The following MSH4 variants were observed in gnomAD, a reference collection of about 807,000 sequenced individuals.
The protein encoded by MSH4 is mutS protein homolog 4.
MSH4 carries 106 observed loss-of-function variants against 113.7 expected under a neutral mutation model. That is an observed-to-expected ratio of 0.93 (90% confidence interval 0.80 to 1.10). The LOEUF is 1.10. Ranked by LOEUF, MSH4 falls within the 50% of genes least tolerant of loss-of-function variation. The pLI is 0.00. For synonymous variants in MSH4, 368 were observed against 380.2 expected (o/e 0.97, Z 0.37); for missense variants, 1,061 against 1,093.7 (o/e 0.97, Z 0.42).
At chr1:75,868,609 C>T (rs185357312) in intron 9 of MSH4, among the ~76,000 whole-genome samples, 23 of 152,296 alleles carry the variant, frequency 1.5e-4, no homozygotes, top group Non-Finnish European at 2.9e-4. Context: ...CCAAATCTCA[C>T]CTTAAATTGT....
chr1:75,879,925 T>C, intron 12 of MSH4, 125 bp from the exon 13 acceptor site: 2 of 611,756 alleles, frequency 3.3e-6, no homozygotes, highest in South Asian at 4.2e-5. Flanking sequence ...TAGAACTTTC[T>C]TTGTGATACC....
At chr1:75,900,656 G>A (rs528051859) in intron 19 of MSH4, among the ~76,000 whole-genome samples, 3 of 152,164 alleles carry the variant, frequency 2.0e-5, no homozygotes, top group African/African-American at 7.2e-5. Context: ...TGACCTAGGT[G>A]CAGTGTGATA....
chr1:75,901,775 A>G (rs1406913106), intron 19 of MSH4, among the ~76,000 whole-genome samples: 3 of 152,118 alleles, frequency 2.0e-5, no homozygotes, highest in Non-Finnish European at 2.9e-5. Flanking sequence ...ATTCCCATCA[A>G]CAGTGTATGT....
At chr1:75,877,099 C>A in intron 10 of MSH4, 99 bp downstream of exon 10, 3 of 699,360 alleles carry the variant, frequency 4.3e-6, no homozygotes, top group South Asian at 6.9e-5. Flanking sequence ...GGAACAATTA[C>A]TTGAGTTTTG....
chr1:75,822,818 T>TG (rs1359592183), intron 7 of MSH4, among the ~76,000 whole-genome samples: 9 of 151,958 alleles, frequency 5.9e-5, no homozygotes, highest in African/African-American at 1.4e-4. Context: ...TCTGTTTTTT[T>TG]TTGTTGTTGT....
intron 15 of MSH4, among the ~76,000 whole-genome samples, chr1:75,886,766 G>T (rs1327366824): frequency 1.5e-5 from 2 of 135,358 alleles, no homozygotes; most frequent in African/African-American, 5.5e-5. Context: ...TATAAAATAT[G>T]TATATAGTTA....
In MSH4 at chr1:75,897,986, T is replaced by C. The variant is rs1369026348; in HGVS notation, c.2435T>C (p.Phe812Ser). 6.2e-7 allele frequency: 1 copy of C among 1,607,926 alleles called. No individual in the cohort carries two copies. Among genetic ancestry groups the C allele is most frequent in the South Asian group, 1.1e-5 (1 of 89,680 alleles). ...TATCCTAATGTAGAAAACATGCATTTTGAAGTTCAACATGTAAAGAATACC... is the reference window on the plus strand; with the variant it reads ...TATCCTAATGTAGAAAACATGCATTCTGAAGTTCAACATGTAAAGAATACC... Reference protein sequence around the residue: ...ALYPNVENMHFEVQHVKNTSR... With the variant: ...ALYPNVENMHSEVQHVKNTSR... The change falls in exon 18 of 20, where the codon TTT becomes TCT. Residue 812 changes from phenylalanine (F) to serine (S), a missense_variant. Physicochemically the swap from Phe to Ser is radical, Grantham distance 155 (BLOSUM62 -2). Transcript: ENST00000263187.
At chr1:75,861,671 G>T (rs1311024946) in intron 8 of MSH4, among the ~76,000 whole-genome samples, 2 of 152,186 alleles carry the variant, frequency 1.3e-5, no homozygotes, top group Admixed American at 1.3e-4. Flanking sequence ...CCTGTATGCG[G>T]TGTCTGTTGG....
At chr1:75,826,001 C>T (rs1008455141) in intron 7 of MSH4, among the ~76,000 whole-genome samples, 2 of 152,138 alleles carry the variant, frequency 1.3e-5, no homozygotes, top group South Asian at 2.1e-4. Flanking sequence ...AGAGGAGTCC[C>T]TCTTATTCTA....
At chr1:75,854,337 T>C (rs1651269708) in intron 8 of MSH4, among the ~76,000 whole-genome samples, 2 of 152,090 alleles carry the variant, frequency 1.3e-5, no homozygotes, top group South Asian at 2.1e-4. Flanking sequence ...CTGCCTATGC[T>C]GTAGTACTCC....
chr1:75,899,274 CAT>C (rs1415343803), intron 18 of MSH4, among the ~76,000 whole-genome samples: 1 of 152,132 alleles, frequency 6.6e-6, no homozygotes, highest in Non-Finnish European at 1.5e-5. Flanking sequence ...CTGCAAAACT[CAT>C]ATGCCTTTTG....
intron 7 of MSH4, among the ~76,000 whole-genome samples, chr1:75,822,791 T>C (rs1023600567): frequency 6.7e-6 from 1 of 148,736 alleles, no homozygotes; most frequent in East Asian, 1.9e-4. Context: ...CCTGTATGCT[T>C]TTCTTTTCCA....
intron 1 of MSH4, among the ~76,000 whole-genome samples, chr1:75,800,329 A>G (rs1649908101): frequency 6.6e-6 from 1 of 152,206 alleles, no homozygotes; most frequent in Non-Finnish European, 1.5e-5. Context: ...TATATCATTG[A>G]TTCCTGCTGG....
chr1:75,855,471 G>A (rs943801573), intron 8 of MSH4, among the ~76,000 whole-genome samples: 11 of 152,202 alleles, frequency 7.2e-5, no homozygotes, highest in African/African-American at 2.2e-4. Context: ...CTCTCTCTGC[G>A]AAACCTGTAG....
chr1:75,868,646 G>C (rs1174925412), intron 9 of MSH4, among the ~76,000 whole-genome samples: 4 of 152,168 alleles, frequency 2.6e-5, no homozygotes, highest in African/African-American at 4.8e-5. Context: ...CAAGGGCGGG[G>C]ACTGGTGGAG....
At chr1:75,876,827 A>T in intron 9 of MSH4, 109 bp from the exon 10 acceptor site, 1 of 491,868 alleles carries the variant, frequency 2.0e-6, no homozygotes, top group Non-Finnish European at 3.5e-6. Context: ...AAATGAGGAA[A>T]TGAAGAAAGC....
At chr1:75,806,760 G>A (rs1333286537) in intron 2 of MSH4, among the ~76,000 whole-genome samples, 1 of 151,878 alleles carries the variant, frequency 6.6e-6, no homozygotes, top group Non-Finnish European at 1.5e-5. Context: ...TAAATTTTGG[G>A]CCAATTTTTC....
chr1:75,802,677 CAGA>C (rs1383634219), intron 1 of MSH4, among the ~76,000 whole-genome samples: 1 of 152,102 alleles, frequency 6.6e-6, no homozygotes, highest in Non-Finnish European at 1.5e-5. Flanking sequence ...AAGAAATTAA[CAGA>C]AGAAGGTTAA....
chr1:75,808,922 AATT>A (rs1432877295), intron 3 of MSH4, among the ~76,000 whole-genome samples: 6 of 152,006 alleles, frequency 3.9e-5, no homozygotes, highest in Non-Finnish European at 7.4e-5. Flanking sequence ...TATTTAACTC[AATT>A]ATTATTTTAT....
Sources: allele counts gnomAD v4.1 joint callset (sites outside exome capture counted in the v4.1 genomes callset), GRCh38; gene constraint gnomAD v4.1.1; transcripts MANE v1.5; gene names NCBI Gene and HGNC (gene_info 2026-07-23, HGNC 2026-07-21).